Variants in KIAA1217 observed in about 807,000 individuals in gnomAD.
KIAA1217 encodes sickle tail protein homolog.
Under a neutral mutation model 163.9 loss-of-function variants are expected in KIAA1217, and 88 were observed. The observed-to-expected ratio is 0.54, with a 90% CI of 0.45 to 0.64. The LOEUF is 0.64. Ranked by LOEUF, KIAA1217 falls within the 30% of genes least tolerant of loss-of-function variation. The pLI is 0.00. For synonymous variants in KIAA1217, 903 were observed against 923.1 expected, an observed-to-expected ratio of 0.98 and a Z score of 0.39; for missense variants, 2,372 against 2,475.0, an observed-to-expected ratio of 0.96 and a Z score of 0.88.
At position 24,291,353 on chromosome 10, in the gene KIAA1217, A is replaced by C. The variant is rs200221955; in HGVS notation, c.354+71444A>C. 5.9e-5 allele frequency among the ~76,000 whole-genome samples: 9 copies of C among 152,196 alleles called. No individual in the cohort carries two copies. In the East Asian group the frequency reaches 1.2e-3, roughly 20 times the overall value. The stretch of plus-strand genomic sequence containing the variant: ...AGACCAGCCTGGCCAACATGGTAAA[A>C]CCCTGTCTCCACTAAAAATACAAAA... On this transcript the variant is annotated intron_variant, in intron 2 of 20. Coordinates refer to ENST00000376454, the MANE Select transcript of KIAA1217 (RefSeq NM_019590.5).
chr10:23,781,195 A>G (rs1258632035), intron 1 of KIAA1217, among the ~76,000 whole-genome samples: 1 of 152,168 alleles, frequency 6.6e-6, no homozygotes, highest in East Asian at 1.9e-4. Flanking sequence ...ACTGTTTTCC[A>G]TAATAGCTAC....
chr10:24,433,726 C>A (rs926857238), intron 4 of KIAA1217, among the ~76,000 whole-genome samples: 2 of 152,118 alleles, frequency 1.3e-5, no homozygotes, highest in African/African-American at 4.8e-5. Context: ...CATAGAAAGA[C>A]CCTGTGGACA....
At position 24,528,115 on chromosome 10, in the gene KIAA1217, T is replaced by G. The variant is rs1036614283; in HGVS notation, c.3078T>G (p.Leu1026=). 1.2e-6 allele frequency: 2 copies of G among 1,613,640 alleles called. No homozygotes were observed. Among genetic ancestry groups the G allele is most frequent in the Middle Eastern group, 1.7e-4 (1 of 6,054 alleles). Residue 1026 remains leucine (L), a synonymous_variant, in exon 14 of 21, where the codon CTT becomes CTG. Coordinates refer to ENST00000376454, the MANE Select transcript of KIAA1217 (RefSeq NM_019590.5). ...ATGCCCCAGTGGACAAGGTGGAACT[T>G]TCAGGTAAGTTCCGGTCCCACAGCA... is the stretch of plus-strand genomic sequence containing the variant. ...RGDAPVDKVE[L]SEDSPNSEQD...
intron 6 of KIAA1217, among the ~76,000 whole-genome samples, chr10:24,484,418 T>G (rs1277817919): frequency 3.3e-5 from 5 of 151,312 alleles, no homozygotes; most frequent in African/African-American, 9.7e-5. Context: ...GCTAATTTTT[T>G]GTATTTTTAG....
At chr10:23,848,036 T>A (rs1259998755) in intron 1 of KIAA1217, among the ~76,000 whole-genome samples, 1 of 152,092 alleles carries the variant, frequency 6.6e-6, no homozygotes, top group African/African-American at 2.4e-5. Flanking sequence ...TTTGAGTGAG[T>A]TTCTTAATCC....
intron 9 of KIAA1217, among the ~76,000 whole-genome samples, chr10:24,505,576 G>A (rs1457008294): frequency 6.6e-6 from 1 of 152,008 alleles, no homozygotes; most frequent in Non-Finnish European, 1.5e-5. Flanking sequence ...GGGTGGCTGA[G>A]GAGAGAGAGA....
chr10:23,842,789 A>G (rs992743264), intron 1 of KIAA1217, among the ~76,000 whole-genome samples: 2 of 151,986 alleles, frequency 1.3e-5, no homozygotes, highest in African/African-American at 4.8e-5. Context: ...CAAGCAGAAG[A>G]GTTTCCAAAA....
At chr10:24,238,953 A>G (rs1054270565) in intron 2 of KIAA1217, among the ~76,000 whole-genome samples, 14 of 152,188 alleles carry the variant, frequency 9.2e-5, no homozygotes, top group Admixed American at 7.9e-4. Flanking sequence ...TATACTGTGC[A>G]GAGATCCAAA....
At chr10:23,707,070 A>G (rs1836935288) in intron 1 of KIAA1217, among the ~76,000 whole-genome samples, 1 of 152,198 alleles carries the variant, frequency 6.6e-6, no homozygotes, top group Non-Finnish European at 1.5e-5. Context: ...ACTTATTACC[A>G]AAAAGTTTAA....
At chr10:23,843,810 T>G (rs1838899338) in intron 1 of KIAA1217, among the ~76,000 whole-genome samples, 1 of 152,132 alleles carries the variant, frequency 6.6e-6, no homozygotes, top group Non-Finnish European at 1.5e-5. Flanking sequence ...AAAAGAAAAT[T>G]CAACCGATCT....
At chr10:23,980,071 T>C (rs2131410478) in intron 1 of KIAA1217, among the ~76,000 whole-genome samples, 1 of 152,346 alleles carries the variant, frequency 6.6e-6, no homozygotes, top group East Asian at 1.9e-4. Flanking sequence ...GGAATGTGTC[T>C]ATTTCAAGTG....
chr10:23,947,045 T>C (rs1372773749), intron 1 of KIAA1217, among the ~76,000 whole-genome samples: 1 of 152,154 alleles, frequency 6.6e-6, no homozygotes, highest in African/African-American at 2.4e-5. Context: ...CGCTTCTCCT[T>C]GCTGCCACCA....
At chr10:23,812,864 G>T (rs573275099) in intron 1 of KIAA1217, among the ~76,000 whole-genome samples, 2 of 152,216 alleles carry the variant, frequency 1.3e-5, no homozygotes, top group African/African-American at 4.8e-5. Context: ...TTCTTGGGTT[G>T]TTTCCATTTC....
intron 3 of KIAA1217, among the ~76,000 whole-genome samples, chr10:24,389,868 C>T (rs955687477): frequency 6.6e-6 from 1 of 151,840 alleles, no homozygotes; most frequent in African/African-American, 2.4e-5. Flanking sequence ...TCCCAGGGCA[C>T]GGCCACCAGC....
At chr10:23,966,530 C>T (rs530596731) in intron 1 of KIAA1217, among the ~76,000 whole-genome samples, 11 of 152,292 alleles carry the variant, frequency 7.2e-5, no homozygotes, top group Middle Eastern at 3.4e-3. Context: ...ACAGCAGGTG[C>T]TCTTCCCCTG....
At chr10:24,250,767 A>G (rs944396975) in intron 2 of KIAA1217, among the ~76,000 whole-genome samples, 1 of 142,308 alleles carries the variant, frequency 7.0e-6, no homozygotes, top group African/African-American at 2.6e-5. Flanking sequence ...GTCAACTTTC[A>G]TTGGTCAATG....
intron 2 of KIAA1217, among the ~76,000 whole-genome samples, chr10:24,090,501 C>A (rs565641709): frequency 6.6e-6 from 1 of 151,294 alleles, no homozygotes; most frequent in Non-Finnish European, 1.5e-5. Context: ...AAACACATCT[C>A]CAAACAGAGC....
chr10:24,524,907 G>A, intron 13 of KIAA1217, 143 bp downstream of exon 13: 2 of 782,932 alleles, frequency 2.6e-6, no homozygotes, highest in Non-Finnish European at 3.9e-6. Flanking sequence ...GGGATTCAGT[G>A]GCCAGGTTAA....
At chr10:24,347,540 G>A (rs370185759) in intron 2 of KIAA1217, among the ~76,000 whole-genome samples, 2 of 151,950 alleles carry the variant, frequency 1.3e-5, no homozygotes, top group African/African-American at 4.8e-5. Flanking sequence ...TTAATTGTTG[G>A]GATTATACCC....
Sources: allele counts gnomAD v4.1 joint callset (sites outside exome capture counted in the v4.1 genomes callset), GRCh38; gene constraint gnomAD v4.1.1; transcripts MANE v1.5; gene names NCBI Gene and HGNC (gene_info 2026-07-23, HGNC 2026-07-21).